Variants in GLMN observed in about 807,000 individuals in gnomAD.
The protein encoded by GLMN is glomulin.
A neutral mutation model predicts 87.8 loss-of-function variants in GLMN; 75 were observed. The ratio of observed to expected loss-of-function variants is 0.85; its 90% CI spans 0.71 to 1.04. GLMN has a LOEUF of 1.04. GLMN is among the 50% of genes least tolerant of loss of function. GLMN has a pLI of 0.00. For synonymous variants in GLMN, 206 were observed against 221.6 expected, an observed-to-expected ratio of 0.93 and a Z score of 0.63; for missense variants, 588 against 658.8, an observed-to-expected ratio of 0.89 and a Z score of 1.18.
At chr1:92,365,002 G>A in the GLMN span, among the ~76,000 whole-genome samples, 2 of 152,216 alleles carry the variant, frequency 1.3e-5, no homozygotes, top group Admixed American at 1.3e-4. Flanking sequence ...TTCACATTAT[G>A]TCCACTGACT....
At chr1:92,279,074 C>A (rs1188627472) in intron 7 of GLMN, among the ~76,000 whole-genome samples, 1 of 122,600 alleles carries the variant, frequency 8.2e-6, no homozygotes, top group Non-Finnish European at 1.7e-5. Context: ...ATGATCCAAT[C>A]ACCTTTTCAC....
the GLMN span, chr1:92,333,436 A>G: frequency 6.2e-7 from 1 of 1,613,688 alleles, no homozygotes; most frequent in East Asian, 2.2e-5. Flanking sequence ...CCAGAACCAG[A>G]TTAGAAAACG....
At chr1:92,299,664 C>G (rs1650655766), upstream of GLMN, among the ~76,000 whole-genome samples, 1 of 152,100 alleles carries the variant, frequency 6.6e-6, no homozygotes, top group Non-Finnish European at 1.5e-5. Context: ...AATTCAATCC[C>G]CAAAGAGATA....
chr1:92,309,172 G>C, the GLMN span, among the ~76,000 whole-genome samples: 1 of 152,122 alleles, frequency 6.6e-6, no homozygotes, highest in Non-Finnish European at 1.5e-5. Context: ...TGCCGGGCGT[G>C]GTGGCTTACA....
At chr1:92,254,241 C>T (rs1653932973) in intron 16 of GLMN, among the ~76,000 whole-genome samples, 1 of 152,090 alleles carries the variant, frequency 6.6e-6, no homozygotes, top group Admixed American at 6.5e-5. Flanking sequence ...AAGGAATGAA[C>T]AAAGCTTCCA....
intron 3 of GLMN, 30 bp downstream of exon 3, chr1:92,297,374 C>T: frequency 6.2e-7 from 1 of 1,608,708 alleles, no homozygotes. Context: ...CTTCCCAAGA[C>T]TGAAAAGTAA....
chr1:92,321,082 T>C, the GLMN span, among the ~76,000 whole-genome samples: 1 of 152,188 alleles, frequency 6.6e-6, no homozygotes, highest in African/African-American at 2.4e-5. Context: ...ACTTTCCTCA[T>C]GGTATTGTTT....
At chr1:92,272,361 C>T (rs903143853) in intron 7 of GLMN, among the ~76,000 whole-genome samples, 1 of 152,116 alleles carries the variant, frequency 6.6e-6, no homozygotes, top group Non-Finnish European at 1.5e-5. Flanking sequence ...ATTTGTTATA[C>T]AGCAATGAAA....
At chr1:92,329,088 A>C in the GLMN span, among the ~76,000 whole-genome samples, 2 of 152,098 alleles carry the variant, frequency 1.3e-5, no homozygotes, top group Non-Finnish European at 2.9e-5. Context: ...ATTTTTTTTA[A>C]GTGCGCTGGT....
intron 5 of GLMN, among the ~76,000 whole-genome samples, chr1:92,289,621 AT>A (rs1274417578): frequency 6.6e-6 from 1 of 152,156 alleles, no homozygotes; most frequent in African/African-American, 2.4e-5. Context: ...AGATAAACGA[AT>A]TTCCTAAAAT....
chr1:92,347,472 A>G, the GLMN span, among the ~76,000 whole-genome samples: 1 of 152,206 alleles, frequency 6.6e-6, no homozygotes, highest in Non-Finnish European at 1.5e-5. Context: ...TAGGCTCAGC[A>G]CTAATCTCAG....
chr1:92,313,059 G>T, the GLMN span, among the ~76,000 whole-genome samples: 2 of 152,116 alleles, frequency 1.3e-5, no homozygotes, highest in African/African-American at 4.8e-5. Flanking sequence ...AGAGATGGGG[G>T]TTTTGCCATG....
chr1:92,334,906 C>T, the GLMN span, among the ~76,000 whole-genome samples: 15 of 152,018 alleles, frequency 9.9e-5, no homozygotes, highest in South Asian at 1.0e-3. Context: ...GAGAATGGCC[C>T]GAACCCAGGA....
the GLMN span, among the ~76,000 whole-genome samples, chr1:92,354,217 G>A: frequency 6.6e-6 from 1 of 152,138 alleles, no homozygotes; most frequent in African/African-American, 2.4e-5. Flanking sequence ...GAAGCATGAA[G>A]CTTAAGGGAA....
upstream of GLMN, among the ~76,000 whole-genome samples, chr1:92,303,200 G>T (rs570478723): frequency 3.3e-5 from 5 of 152,142 alleles, no homozygotes; most frequent in Non-Finnish European, 7.4e-5. Flanking sequence ...TTCTAAACAG[G>T]AATATGAACA....
chr1:92,253,036 T>C (rs967098802), intron 16 of GLMN, among the ~76,000 whole-genome samples: 3 of 152,196 alleles, frequency 2.0e-5, no homozygotes, highest in Admixed American at 6.5e-5. Context: ...TAAAAAGCCA[T>C]GAACAAGACC....
At chr1:92,288,885 C>T (rs1215483825) in intron 6 of GLMN, 29 bp downstream of exon 6, 1 of 1,057,346 alleles carries the variant, frequency 9.5e-7, no homozygotes, top group Admixed American at 1.7e-5. Context: ...CTTAAGTCCA[C>T]TGTGAGATGT....
At chr1:92,334,112 G>T in the GLMN span, among the ~76,000 whole-genome samples, 3 of 152,054 alleles carry the variant, frequency 2.0e-5, no homozygotes, top group Non-Finnish European at 4.4e-5. Flanking sequence ...TCTTATTTTA[G>T]CAGAAAACAT....
chr1:92,261,137 T>C (rs1361094463), intron 16 of GLMN, among the ~76,000 whole-genome samples: 2 of 152,252 alleles, frequency 1.3e-5, no homozygotes, highest in African/African-American at 4.8e-5. Flanking sequence ...CTGAATTTTA[T>C]ATTGTAGCTT....
Sources: gnomAD v4.1 joint callset for allele counts (sites outside exome capture counted in the v4.1 genomes callset) on GRCh38, gnomAD v4.1.1 for gene constraint, MANE v1.5 for transcripts, NCBI Gene and HGNC (gene_info 2026-07-23, HGNC 2026-07-21) for gene names.